Variants in NR3C2 observed in about 807,000 individuals in gnomAD.
NR3C2 encodes mineralocorticoid receptor.
Under a neutral mutation model 86.4 loss-of-function variants are expected in NR3C2, and 15 were observed. The observed-to-expected ratio is 0.17, with a 90% confidence interval of 0.12 to 0.27. The LOEUF (loss-of-function observed/expected upper bound fraction) is 0.27. NR3C2 is among the 10% of genes least tolerant of loss of function. The probability of loss-of-function intolerance (pLI) is 1.00; values close to 1 mark genes in which losing one functional copy is unlikely to be tolerated. For missense variants in NR3C2, 960 were observed against 1,195.6 expected (o/e 0.80, Z 2.91); for synonymous variants, 458 against 450.5 (o/e 1.02, Z -0.21).
chr4:148,211,579 G>T (rs1050098091), intron 3 of NR3C2, among the ~76,000 whole-genome samples: 2 of 152,174 alleles, frequency 1.3e-5, no homozygotes, highest in African/African-American at 4.8e-5. Context: ...AATTAGAGGA[G>T]CTTATTAAAT....
intron 3 of NR3C2, among the ~76,000 whole-genome samples, chr4:148,207,459 A>G (rs1294238940): frequency 1.3e-5 from 2 of 152,202 alleles, no homozygotes; most frequent in Non-Finnish European, 2.9e-5. Flanking sequence ...TGTATATTTG[A>G]TCATTTGGCT....
At chr4:148,313,751 C>G (rs1743024086) in intron 2 of NR3C2, among the ~76,000 whole-genome samples, 1 of 152,162 alleles carries the variant, frequency 6.6e-6, no homozygotes, top group Non-Finnish European at 1.5e-5. Context: ...TTACTTACTA[C>G]AGCCTGGCTT....
chr4:148,117,235 T>G (rs144313595), intron 7 of NR3C2, among the ~76,000 whole-genome samples: 62 of 152,132 alleles, frequency 4.1e-4, no homozygotes, highest in Non-Finnish European at 7.6e-4. Context: ...TCAATGAAAA[T>G]AAAACAAAAG....
intron 4 of NR3C2, among the ~76,000 whole-genome samples, chr4:148,178,932 T>TAAAAAAAAAAAAAAAAAAAAAA: frequency 1.0e-5 from 1 of 95,312 alleles, no homozygotes; most frequent in Non-Finnish European, 2.3e-5. Flanking sequence ...AAGAAGCAGG[T>TAAAAAAAAAAAAAAAAAAAAAA]AAAAAAAAAA....
chr4:148,157,359 A>C (rs1734447591), intron 4 of NR3C2, among the ~76,000 whole-genome samples: 1 of 152,190 alleles, frequency 6.6e-6, no homozygotes, highest in African/African-American at 2.4e-5. Context: ...AATGCCAGGC[A>C]CTGTTCTAAA....
chr4:148,130,909 C>T (rs113417275), intron 6 of NR3C2, among the ~76,000 whole-genome samples: 4 of 148,684 alleles, frequency 2.7e-5, no homozygotes, highest in South Asian at 2.2e-4. Context: ...CTGCAAACTC[C>T]GCCTCCTGGG....
chr4:148,360,521 A>T (rs1579204460), intron 2 of NR3C2, among the ~76,000 whole-genome samples: 1 of 152,202 alleles, frequency 6.6e-6, no homozygotes, highest in African/African-American at 2.4e-5. Context: ...AGCATCACAA[A>T]AACTATATTA....
chr4:148,243,372 A>G (rs1739158357), intron 3 of NR3C2, among the ~76,000 whole-genome samples: 1 of 152,128 alleles, frequency 6.6e-6, no homozygotes, highest in South Asian at 2.1e-4. Flanking sequence ...GTCACATGAT[A>G]AACAGGATCT....
At chr4:148,269,109 G>C (rs1287681522) in intron 2 of NR3C2, among the ~76,000 whole-genome samples, 2 of 152,002 alleles carry the variant, frequency 1.3e-5, no homozygotes, top group African/African-American at 4.8e-5. Flanking sequence ...TGAAGTGAAG[G>C]GTAGAGAAGA....
intron 3 of NR3C2, among the ~76,000 whole-genome samples, chr4:148,248,077 A>C (rs1479203051): frequency 6.6e-6 from 1 of 152,226 alleles, no homozygotes; most frequent in Admixed American, 6.5e-5. Flanking sequence ...TAATTTAAAA[A>C]ATTTAAATCA....
intron 2 of NR3C2, among the ~76,000 whole-genome samples, chr4:148,429,857 TA>T (rs753161253): frequency 6.6e-6 from 1 of 152,222 alleles, no homozygotes; most frequent in Non-Finnish European, 1.5e-5. Flanking sequence ...AATTTGAATT[TA>T]GTAAACGAAA....
chr4:148,406,174 A>G (rs1160728797), intron 2 of NR3C2, among the ~76,000 whole-genome samples: 1 of 152,140 alleles, frequency 6.6e-6, no homozygotes, highest in Non-Finnish European at 1.5e-5. Context: ...AAAACAAAAA[A>G]ACAAACAAAC....
At chr4:148,096,322 A>C (rs995649630) in intron 8 of NR3C2, among the ~76,000 whole-genome samples, 1 of 152,224 alleles carries the variant, frequency 6.6e-6, no homozygotes, top group Non-Finnish European at 1.5e-5. Context: ...TCTTGTTTTC[A>C]ATATTTCCTA....
intron 3 of NR3C2, among the ~76,000 whole-genome samples, chr4:148,221,710 T>A (rs776940729): frequency 1.3e-5 from 2 of 151,870 alleles, no homozygotes; most frequent in African/African-American, 4.8e-5. Flanking sequence ...CTGGCCAACA[T>A]GGTGAAAGCC....
At chr4:148,334,104 T>C (rs2149972298) in intron 2 of NR3C2, among the ~76,000 whole-genome samples, 1 of 152,302 alleles carries the variant, frequency 6.6e-6, no homozygotes, top group Non-Finnish European at 1.5e-5. Flanking sequence ...CGTAACTGAC[T>C]TGAGCATAAA....
chr4:148,389,273 A>T (rs1747420305), intron 2 of NR3C2, among the ~76,000 whole-genome samples: 1 of 152,164 alleles, frequency 6.6e-6, no homozygotes, highest in South Asian at 2.1e-4. Context: ...AAATAAAAAA[A>T]AGGGACTCAC....
rs1027042860 is a variant in NR3C2 at position 148,435,861 on chromosome 4, A to G, written c.1000T>C (p.Cys334Arg). The change falls in exon 2 of 9, where the codon TGT becomes CGT. Residue 334 changes from cysteine (C) to arginine (R), a missense_variant. Physicochemically the swap from Cys to Arg is radical, Grantham distance 180. Coordinates refer to ENST00000358102, the MANE Select transcript of NR3C2 (RefSeq NM_000901.5). ...CTGAAGGCATTGTTTACAGGGCTAC[A>G]GATAGATCCCACAGTACTGGCTGCC... is the stretch of plus-strand genomic sequence containing the variant. ...SPAASTVGSI[C>R]SPVNNAFSYT... The G allele has an allele frequency of 2.1e-5, 34 of 1,614,120 alleles. No homozygotes were observed. The highest frequency in any genetic ancestry group is 5.0e-5 in the Admixed American group (3 of 60,008).
At chr4:148,377,802 T>C (rs1746753967) in intron 2 of NR3C2, among the ~76,000 whole-genome samples, 2 of 152,160 alleles carry the variant, frequency 1.3e-5, no homozygotes, top group Admixed American at 1.3e-4. Context: ...GTTTCCATTG[T>C]TCTGTTCCTT....
chr4:148,109,625 G>A (rs969666555), intron 8 of NR3C2, among the ~76,000 whole-genome samples: 2 of 152,136 alleles, frequency 1.3e-5, no homozygotes, highest in African/African-American at 2.4e-5. Flanking sequence ...ACACATATGC[G>A]TACCATGTGG....
Sources: allele counts gnomAD v4.1 joint callset (sites outside exome capture counted in the v4.1 genomes callset), GRCh38; gene constraint gnomAD v4.1.1; transcripts MANE v1.5; gene names NCBI Gene and HGNC (gene_info 2026-07-23, HGNC 2026-07-21).